Variants in SORCS2 observed in about 807,000 individuals in gnomAD.
SORCS2 encodes VPS10 domain-containing receptor SorCS2.
In SORCS2, 100 loss-of-function variants were observed where a neutral mutation model predicts 141.6. That is an observed-to-expected ratio of 0.71 (90% CI 0.60 to 0.83). The LOEUF (loss-of-function observed/expected upper bound fraction) is 0.83, where lower values mean the gene tolerates loss of function less well. Among genes scored for constraint, SORCS2 ranks in the 40% least tolerant of loss-of-function variants. The probability of loss-of-function intolerance (pLI) is 0.00; values close to 1 mark genes in which losing one functional copy is unlikely to be tolerated. For missense variants in SORCS2, 1,646 were observed against 1,560.2 expected, an observed-to-expected ratio of 1.05 and a Z score of -0.93; for synonymous variants, 789 against 676.9, an observed-to-expected ratio of 1.17 and a Z score of -2.57.
At chr4:7,679,891 C>G (rs552372134) in intron 9 of SORCS2, among the ~76,000 whole-genome samples, 3 of 152,222 alleles carry the variant, frequency 2.0e-5, no homozygotes, top group African/African-American at 7.2e-5. Flanking sequence ...TATCTGGATC[C>G]GTGTTATTTA....
chr4:7,671,555 G>T (rs1213502074), intron 8 of SORCS2, among the ~76,000 whole-genome samples: 1 of 152,058 alleles, frequency 6.6e-6, no homozygotes, highest in Non-Finnish European at 1.5e-5. Context: ...GAGCTAAAAA[G>T]AATAATTGAA....
chr4:7,494,311 T>C (rs1394102670), intron 2 of SORCS2, among the ~76,000 whole-genome samples: 1 of 152,206 alleles, frequency 6.6e-6, no homozygotes, highest in East Asian at 1.9e-4. Flanking sequence ...GTGGTTTCCA[T>C]GTTTTAGTCC....
At chr4:7,535,056 T>G (rs1387929546) in intron 3 of SORCS2, among the ~76,000 whole-genome samples, 1 of 152,222 alleles carries the variant, frequency 6.6e-6, no homozygotes, top group Non-Finnish European at 1.5e-5. Flanking sequence ...ACACCGATCC[T>G]GATTCCTGTT....
At chr4:7,369,549 C>A (rs542395299) in intron 1 of SORCS2, among the ~76,000 whole-genome samples, 1 of 152,134 alleles carries the variant, frequency 6.6e-6, no homozygotes, top group East Asian at 1.9e-4. Flanking sequence ...GACTTGGGGG[C>A]GTGTCTACCC....
intron 2 of SORCS2, among the ~76,000 whole-genome samples, chr4:7,429,664 C>T (rs1726692339): frequency 6.6e-6 from 1 of 152,296 alleles, no homozygotes; most frequent in South Asian, 2.1e-4. Context: ...CTGCGGAGGA[C>T]CCGGGGAGGT....
intron 2 of SORCS2, among the ~76,000 whole-genome samples, chr4:7,454,444 C>T (rs1192594537): frequency 7.5e-6 from 1 of 133,868 alleles, no homozygotes; most frequent in African/African-American, 2.9e-5. Context: ...GAGTCAGGCT[C>T]CGTGTTAGTG....
chr4:7,500,384 G>T (rs1731891908), intron 2 of SORCS2, among the ~76,000 whole-genome samples: 2 of 152,130 alleles, frequency 1.3e-5, no homozygotes, highest in Admixed American at 6.5e-5. Context: ...CTGCATTGAG[G>T]ACCTCCTGCA....
At chr4:7,719,614 G>A (rs1462967804) in intron 18 of SORCS2, among the ~76,000 whole-genome samples, 2 of 152,172 alleles carry the variant, frequency 1.3e-5, no homozygotes. Context: ...GCCCTGGGGC[G>A]CCTCTGTTCG....
intron 3 of SORCS2, among the ~76,000 whole-genome samples, chr4:7,571,016 G>A (rs1348408227): frequency 6.6e-6 from 1 of 152,170 alleles, no homozygotes; most frequent in Non-Finnish European, 1.5e-5. Context: ...ATCCCTGCCT[G>A]TGGCTTTAGT....
intron 2 of SORCS2, among the ~76,000 whole-genome samples, chr4:7,516,499 C>T (rs1010623590): frequency 2.0e-4 from 30 of 151,442 alleles, no homozygotes; most frequent in African/African-American, 7.3e-4. Flanking sequence ...CAGAGAACGC[C>T]GGGTGTTTGG....
rs534861111 is a variant in SORCS2, at chr4:7,548,906, C to A, written c.648+17277C>A. On this transcript the variant is annotated intron_variant, in intron 3 of 26. Coordinates refer to ENST00000507866, the MANE Select transcript of SORCS2 (RefSeq NM_020777.3). ...GACAAAAGAGCTGGCCTTCAACACC[C>A]AGCAGGCCACTTTCTGAGCCAAGAT... Among the ~76,000 whole-genome samples the A allele has an allele frequency of 2.0e-5, 3 of 152,332 alleles. No homozygotes were observed. In the South Asian group the frequency reaches 6.2e-4, roughly 32 times the overall value.
At chr4:7,527,093 G>GC (rs1338461006) in intron 2 of SORCS2, among the ~76,000 whole-genome samples, 1 of 152,164 alleles carries the variant, frequency 6.6e-6, no homozygotes, top group Non-Finnish European at 1.5e-5. Context: ...CCTCTCTGTG[G>GC]CCCTGGGGAC....
intron 1 of SORCS2, among the ~76,000 whole-genome samples, chr4:7,251,229 C>T (rs1360798209): frequency 6.6e-6 from 1 of 152,198 alleles, no homozygotes; most frequent in Non-Finnish European, 1.5e-5. Context: ...TCCAGGGGCT[C>T]AAACAATGCC....
chr4:7,737,128 C>G lies in SORCS2; in HGVS notation c.3371C>G (p.Thr1124Ser), dbSNP rs915855492. Residue 1124 changes from threonine (T) to serine (S), a missense_variant, in exon 26 of 27, where the codon ACC becomes AGC. Thr to Ser is a moderately conservative substitution (Grantham distance 58). Coordinates refer to ENST00000507866, the MANE Select transcript of SORCS2 (RefSeq NM_020777.3). ...QMHNEKEQEMTSPVSHSEDVQ... is the reference protein window; with the variant it reads ...QMHNEKEQEMSSPVSHSEDVQ... Reference sequence around the variant, plus strand: ...CACAACGAGAAGGAGCAGGAGATGACCAGCCCTGTGAGTCACAGTGAGGAC... The same window carrying G: ...CACAACGAGAAGGAGCAGGAGATGAGCAGCCCTGTGAGTCACAGTGAGGAC... The G allele has an allele frequency of 6.4e-7, 1 of 1,551,426 alleles. No homozygotes were observed. Among genetic ancestry groups the G allele is most frequent in the Admixed American group, 2.0e-5 (1 of 50,998 alleles).
At chr4:7,466,545 C>T (rs1043687083) in intron 2 of SORCS2, among the ~76,000 whole-genome samples, 2 of 152,190 alleles carry the variant, frequency 1.3e-5, no homozygotes, top group Admixed American at 6.5e-5. Context: ...CCTGGCCTCA[C>T]GTCCATACCC....
At chr4:7,348,555 GT>G (rs1487865192) in intron 1 of SORCS2, among the ~76,000 whole-genome samples, 3 of 152,088 alleles carry the variant, frequency 2.0e-5, no homozygotes, top group Admixed American at 2.0e-4. Context: ...TTGTGTTGTT[GT>G]TTTTTGTATT....
chr4:7,531,598 A>C lies in SORCS2; in HGVS notation c.617A>C (p.Asn206Thr), dbSNP rs1019122817. Residue 206 changes from asparagine (N) to threonine (T), a missense_variant, in exon 3 of 27, where the codon AAT (asparagine) becomes ACT (threonine). Physicochemically the swap from Asn to Thr is moderately conservative, Grantham distance 65 (BLOSUM62 0). Transcript: ENST00000507866. ...LQPGVTTVIDNFYICPTNKRK... is the reference protein window; with the variant it reads ...LQPGVTTVIDTFYICPTNKRK... The stretch of plus-strand genomic sequence containing the variant: ...CCTGGTGTCACCACCGTCATCGACA[A>C]TTTCTACATCTGCCCGACCAACAAG... 9.3e-6 allele frequency: 15 copies of C among 1,613,668 alleles called. No homozygotes were observed. The highest frequency in any genetic ancestry group is 1.3e-5 in the Non-Finnish European group (15 of 1,179,832).
At chr4:7,328,073 T>G (rs1297295377) in intron 1 of SORCS2, among the ~76,000 whole-genome samples, 3 of 140,246 alleles carry the variant, frequency 2.1e-5, no homozygotes, top group Non-Finnish European at 4.5e-5. Flanking sequence ...TCACCCAGGC[T>G]GGAGTGAAGT....
At chr4:7,461,936 G>A (rs978401393) in intron 2 of SORCS2, among the ~76,000 whole-genome samples, 2 of 132,466 alleles carry the variant, frequency 1.5e-5, no homozygotes, top group African/African-American at 5.8e-5. Flanking sequence ...TGTCCTGCAG[G>A]CTTCAGTGCC....
Sources: gnomAD v4.1 joint callset for allele counts (sites outside exome capture counted in the v4.1 genomes callset) on GRCh38, gnomAD v4.1.1 for gene constraint, MANE v1.5 for transcripts, NCBI Gene and HGNC (gene_info 2026-07-23, HGNC 2026-07-21) for gene names.